The following RALYL variants were observed in gnomAD, a reference collection of about 807,000 sequenced individuals.
RALYL encodes the protein RALY RNA binding protein like.
RALYL carries 29 observed loss-of-function variants against 35.1 expected under a neutral mutation model. That is an observed-to-expected ratio of 0.83 (90% CI 0.61 to 1.13). The LOEUF is 1.13. Ranked by LOEUF, RALYL falls within the 50% of genes most tolerant of loss-of-function variation. The pLI is 0.00. For synonymous variants in RALYL, 120 were observed against 127.6 expected (o/e 0.94, Z 0.40); for missense variants, 359 against 360.4 (o/e 1.00, Z 0.03).
chr8:84,802,705 C>T lies in RALYL; in HGVS notation c.333-2065C>T, dbSNP rs117950766. Among the ~76,000 whole-genome samples the T allele has an allele frequency of 5.9e-3, 903 of 152,254 alleles. 12 individuals are homozygous for T. The highest frequency in any genetic ancestry group is 0.052 in the East Asian group (271 of 5,184). On this transcript the variant is annotated intron_variant, in intron 3 of 8. Coordinates refer to ENST00000521268, the MANE Select transcript of RALYL (RefSeq NM_173848.7). Reference sequence around the variant, plus strand: ...CAGAGGGAAAATCAAAAGTGGTGGGCTTTGCTTTTATTCAAGTTGCTTATG... The same window carrying T: ...CAGAGGGAAAATCAAAAGTGGTGGGTTTTGCTTTTATTCAAGTTGCTTATG...
intron 4 of RALYL, among the ~76,000 whole-genome samples, chr8:84,838,713 G>T (rs1832550809): frequency 6.6e-6 from 1 of 152,112 alleles, no homozygotes. Context: ...AAAGCAGGTT[G>T]GACAAGATAA....
chr8:84,621,336 TC>T (rs1821398126), intron 2 of RALYL, among the ~76,000 whole-genome samples: 1 of 152,186 alleles, frequency 6.6e-6, no homozygotes, highest in African/African-American at 2.4e-5. Context: ...AGCGCAGTAT[TC>T]GGGTGGGAGC....
chr8:84,407,851 A>C (rs564638011), intron 1 of RALYL, among the ~76,000 whole-genome samples: 1 of 152,130 alleles, frequency 6.6e-6, no homozygotes, highest in Non-Finnish European at 1.5e-5. Context: ...CAATTTTCAT[A>C]GCAACCCTAT....
In RALYL at chr8:84,845,616, GCTGT is replaced by G. The variant is rs556438292; in HGVS notation, c.366-4359_366-4356del. On this transcript the variant is annotated intron_variant, in intron 4 of 8. Transcript: ENST00000521268. Reference sequence around the variant, plus strand: ...TATGAATATTTCCCCCATTCTGCAGGCTGTCTGTTTACTTCCTTCATAGTTTTGC... The same window carrying G: ...TATGAATATTTCCCCCATTCTGCAGGCTGTTTACTTCCTTCATAGTTTTGC... Among the ~76,000 whole-genome samples, 805 of 152,150 alleles carry G rather than the reference GCTGT, an allele frequency of 5.3e-3. 3 individuals are homozygous for G. The highest frequency in any genetic ancestry group is 7.8e-3 in the Non-Finnish European group (530 of 67,984).
At position 84,529,517 on chromosome 8, in the gene RALYL, C is replaced by A. The variant is rs775786098; in HGVS notation, c.196C>A (p.Arg66=). 6.2e-7 allele frequency: 1 copy of A among 1,612,724 alleles called. No homozygotes were observed. Among genetic ancestry groups the A allele is most frequent in the Non-Finnish European group, 8.5e-7 (1 of 1,178,944 alleles). Residue 66 remains arginine (R), a synonymous_variant, in exon 2 of 9, where the codon CGA becomes AGA. Transcript: ENST00000521268. ...GYAFVQYMSE[R]HARAAVAGEN... Reference sequence around the variant, plus strand: ...TGCATTTGTACAGTACATGAGTGAGCGACATGCAAGAGCTGCAGTGGCTGG... The same window carrying A: ...TGCATTTGTACAGTACATGAGTGAGAGACATGCAAGAGCTGCAGTGGCTGG...
At chr8:84,447,666 G>A (rs1007392381) in intron 1 of RALYL, among the ~76,000 whole-genome samples, 3 of 151,872 alleles carry the variant, frequency 2.0e-5, no homozygotes, top group South Asian at 2.1e-4. Flanking sequence ...TTACATTCTC[G>A]TTGCTTCAAG....
intron 5 of RALYL, among the ~76,000 whole-genome samples, chr8:84,857,036 G>GAAAAA (rs36119108): frequency 1.3e-3 from 122 of 91,804 alleles, no homozygotes; most frequent in African/African-American, 4.3e-3. Context: ...CTCCGTCTCA[G>GAAAAA]AAAAAAAAAA....
At chr8:84,801,064 C>T (rs1197486363) in intron 3 of RALYL, among the ~76,000 whole-genome samples, 1 of 152,140 alleles carries the variant, frequency 6.6e-6, no homozygotes, top group African/African-American at 2.4e-5. Flanking sequence ...GAGAAGCTGC[C>T]TCAATATAGT....
At chr8:84,236,991 G>A (rs1202661999) in intron 1 of RALYL, among the ~76,000 whole-genome samples, 1 of 152,162 alleles carries the variant, frequency 6.6e-6, no homozygotes, top group Non-Finnish European at 1.5e-5. Flanking sequence ...CTAGGTTCCT[G>A]TAGGATAATG....
intron 1 of RALYL, among the ~76,000 whole-genome samples, chr8:84,437,214 G>C (rs978387348): frequency 2.6e-5 from 4 of 152,064 alleles, no homozygotes; most frequent in African/African-American, 9.7e-5. Flanking sequence ...CCTTTTTATA[G>C]CTGTGTAGCA....
intron 4 of RALYL, among the ~76,000 whole-genome samples, chr8:84,817,373 T>C (rs1827573329): frequency 6.6e-6 from 1 of 152,040 alleles, no homozygotes; most frequent in African/African-American, 2.4e-5. Context: ...AGATGCTATA[T>C]ATTATTATAG....
chr8:84,367,186 A>G (rs1487744462), intron 1 of RALYL, among the ~76,000 whole-genome samples: 1 of 140,956 alleles, frequency 7.1e-6, no homozygotes, highest in Non-Finnish European at 1.5e-5. Flanking sequence ...CCCAGGCTGG[A>G]GTGCAGTGGC....
At chr8:84,544,559 C>A (rs1045134073) in intron 2 of RALYL, among the ~76,000 whole-genome samples, 2 of 152,010 alleles carry the variant, frequency 1.3e-5, no homozygotes. Context: ...GAGGTGATGA[C>A]TGACCTTCAA....
rs77584080 is a variant in RALYL at position 84,484,602 on chromosome 8, C to T, written c.-23-44697C>T. Among the ~76,000 whole-genome samples, 868 of 151,848 alleles carry T rather than the reference C, an allele frequency of 5.7e-3. 11 individuals are homozygous for T. The highest frequency in any genetic ancestry group is 0.019 in the African/African-American group (796 of 41,446). On this transcript the variant is annotated intron_variant, in intron 1 of 8. Transcript: ENST00000521268. Reference sequence around the variant, plus strand: ...TCAAACATGAGTAATGAACAGAACACGTTAAAAGAAAAAAAGATCTTGCCA... The same window carrying T: ...TCAAACATGAGTAATGAACAGAACATGTTAAAAGAAAAAAAGATCTTGCCA...
In RALYL at chr8:84,367,420, C is replaced by T. The variant is rs1380908582; in HGVS notation, c.-23-161879C>T. On this transcript the variant is annotated intron_variant, in intron 1 of 8. Coordinates refer to ENST00000521268, the MANE Select transcript of RALYL (RefSeq NM_173848.7). ...GGCTAGGCTGGTTTCAAACTCTTGA[C>T]CTCAAGTGATCTGCCTGCCTTAGCC... Among the ~76,000 whole-genome samples, 3 of 135,712 alleles carry T rather than the reference C, an allele frequency of 2.2e-5. No individual in the cohort carries two copies. In the East Asian group the frequency reaches 6.9e-4, roughly 31 times the overall value. The allele number at this position is 135,712 out of a possible 152,430, so 89.0% of individuals were successfully genotyped here. A position where few individuals can be genotyped will look rare whatever the true frequency, so the allele number is the denominator to read the frequency against.
intron 2 of RALYL, among the ~76,000 whole-genome samples, chr8:84,529,869 A>G (rs559912072): frequency 1.7e-4 from 26 of 152,288 alleles, no homozygotes; most frequent in African/African-American, 6.0e-4. Flanking sequence ...ACTTTATTTG[A>G]CTTGAGATAG....
intron 1 of RALYL, among the ~76,000 whole-genome samples, chr8:84,270,588 A>T (rs1834115834): frequency 6.8e-6 from 1 of 147,024 alleles, no homozygotes; most frequent in African/African-American, 2.5e-5. Context: ...GTGTGTATGT[A>T]TGTATAATTT....
At chr8:84,202,669 G>A (rs1003935066) in intron 1 of RALYL, among the ~76,000 whole-genome samples, 1 of 152,118 alleles carries the variant, frequency 6.6e-6, no homozygotes, top group Non-Finnish European at 1.5e-5. Context: ...ACCGTGCCCA[G>A]CCCTGAAGGG....
intron 2 of RALYL, among the ~76,000 whole-genome samples, chr8:84,724,103 G>T (rs1426814744): frequency 6.6e-6 from 1 of 151,710 alleles, no homozygotes; most frequent in South Asian, 2.1e-4. Flanking sequence ...TAAAACTTCT[G>T]CTTATATTCA....
Sources: allele counts gnomAD v4.1 joint callset (sites outside exome capture counted in the v4.1 genomes callset), GRCh38; gene constraint gnomAD v4.1.1; transcripts MANE v1.5; gene names NCBI Gene and HGNC (gene_info 2026-07-23, HGNC 2026-07-21).